Variants in FKBP4 observed in about 807,000 individuals in gnomAD.
FKBP4 encodes the protein FKBP prolyl isomerase 4, also known as peptidyl-prolyl cis-trans isomerase FKBP4.
In FKBP4, 28 loss-of-function variants were observed where a neutral mutation model predicts 54.1. That is an observed-to-expected ratio of 0.52 (90% CI 0.38 to 0.71). FKBP4 has a LOEUF of 0.71. Among genes scored for constraint, FKBP4 ranks in the 30% least tolerant of loss-of-function variants. The pLI, the probability that FKBP4 is intolerant of heterozygous loss-of-function variation, is 0.00. For synonymous variants in FKBP4, 223 were observed against 216.1 expected (o/e 1.03, Z -0.28); for missense variants, 493 against 574.4 (o/e 0.86, Z 1.45).
At chr12:2,796,371 A>G (rs2097901866) in intron 1 of FKBP4, 2 of 1,289,024 alleles carry the variant, frequency 1.6e-6, no homozygotes, top group East Asian at 5.5e-5. Context: ...TATTCCAGGA[A>G]AGCTCATTTC....
In FKBP4 at chr12:2,803,433, G is replaced by A. The variant is rs1007728865; in HGVS notation, c.*175G>A. 1 of 575,380 alleles carries A rather than the reference G, an allele frequency of 1.7e-6. No homozygotes were observed. The allele number at this position is 575,380 out of a possible 1,614,324, so 35.6% of individuals were successfully genotyped here. A position where few individuals can be genotyped will look rare whatever the true frequency, so the allele number is the denominator to read the frequency against. On this transcript the variant is annotated 3_prime_UTR_variant, in exon 10 of 10. Coordinates refer to ENST00000001008, the MANE Select transcript of FKBP4 (RefSeq NM_002014.4). ...GGTGTAGGCTGGGGGATTGAGGTGG[G>A]GAATCATTTTAGCTGGTGTCAGCCC...
At chr12:2,802,309 TG>T (rs1303066381) in intron 9 of FKBP4, among the ~76,000 whole-genome samples, 2 of 152,044 alleles carry the variant, frequency 1.3e-5, no homozygotes, top group African/African-American at 4.8e-5. Flanking sequence ...GGCTAATTTT[TG>T]TATTTTTAGT....
rs370195165 is a variant in FKBP4, at chr12:2,803,230, G to A, written c.1352G>A (p.Ser451Asn). ...GAGCAGAAGAGCAACACGGCAGGGA[G>A]CCAGTCTCAGGTGGAGACAGAAGCA... ...KEEQKSNTAG[S>N]QSQVETEA Residue 451 changes from serine (S) to asparagine (N), a missense_variant, in exon 10 of 10, where the codon AGC (serine) becomes AAC (asparagine). By Grantham distance (46) the Ser-to-Asn change is conservative. Coordinates refer to ENST00000001008, the MANE Select transcript of FKBP4 (RefSeq NM_002014.4). The A allele has an allele frequency of 1.3e-6, 2 of 1,596,250 alleles. No homozygotes were observed. The highest frequency in any genetic ancestry group is 1.3e-5 in the African/African-American group (1 of 74,480).
Position 2,799,864 on chromosome 12 carries a change from G to A in FKBP4, c.686G>A (p.Ser229Asn), listed in dbSNP as rs556973575. 6 of 1,613,964 alleles carry A rather than the reference G, an allele frequency of 3.7e-6. No individual in the cohort carries two copies. The African/African-American group carries it at 8.0e-5, about 22-fold the overall frequency. ...VYLKPSYAFG[S>N]VGKEKFQIPP... ...CACCCCTCCAGCTATGCTTTTGGCA[G>A]TGTTGGGAAGGAAAAGTTCCAAATC... Residue 229 changes from serine (S) to asparagine (N), a missense_variant, in exon 6 of 10, where the codon AGT becomes AAT. Physicochemically the swap from Ser to Asn is conservative, Grantham distance 46. Transcript: ENST00000001008.
chr12:2,795,324 G>T lies in FKBP4; in HGVS notation c.105+80G>T. 4.2e-6 allele frequency: 3 copies of T among 721,956 alleles called. No homozygotes were observed. Among genetic ancestry groups the T allele is most frequent in the South Asian group, 6.4e-5 (1 of 15,616 alleles). 44.7% of individuals were successfully genotyped at this position (721,956 alleles called of 1,614,324 possible). A position where few individuals can be genotyped will look rare whatever the true frequency, so the allele number is the denominator to read the frequency against. On this transcript the variant is annotated intron_variant, in intron 1 of 9. Coordinates refer to ENST00000001008, the MANE Select transcript of FKBP4 (RefSeq NM_002014.4). The surrounding 1 kb of genome is among the most constrained non-coding windows in gnomAD (Gnocchi z 4.3). ...CCTTCCGCCGCGCCCGGAGCCCGCG[G>T]CCGGGCACGGGTCGAGGCGGCCGCC...
Position 2,799,256 on chromosome 12 carries a change from G to A in FKBP4, c.671+12G>A. ...TACCTCAAGCCCAGGTGAGGGGTGG[G>A]CACTTCGTAGGGTAGGCAGGCAGGC... On this transcript the variant is annotated intron_variant, in intron 5 of 9. Transcript: ENST00000001008. The A allele has an allele frequency of 6.8e-7, 1 of 1,480,918 alleles. No homozygotes were observed. The highest frequency in any genetic ancestry group is 9.0e-7 in the Non-Finnish European group (1 of 1,115,210). 91.7% of individuals were successfully genotyped at this position (1,480,918 alleles called of 1,614,324 possible).
Position 2,795,183 on chromosome 12 carries a change from C to G in FKBP4, c.44C>G (p.Ser15Trp). 1 of 1,320,940 alleles carries G rather than the reference C, an allele frequency of 7.6e-7. No individual in the cohort carries two copies. Among genetic ancestry groups the G allele is most frequent in the Non-Finnish European group, 9.7e-7 (1 of 1,026,490 alleles). The allele number at this position is 1,320,940 out of a possible 1,614,324, so 81.8% of individuals were successfully genotyped here. Residue 15 changes from serine to tryptophan, a missense_variant, in exon 1 of 10, where the codon TCG becomes TGG. Physicochemically the swap from Ser to Trp is radical, Grantham distance 177. Transcript: ENST00000001008. The surrounding 1 kb of genome is among the most constrained non-coding windows in gnomAD (Gnocchi z 4.3). ...AAGGCGACCGAGAGCGGGGCGCAGTCGGCGCCGCTGCCCATGGAGGGAGTG... is the reference window on the plus strand; with the variant it reads ...AAGGCGACCGAGAGCGGGGCGCAGTGGGCGCCGCTGCCCATGGAGGGAGTG... The part of the protein sequence containing the change: ...EMKATESGAQ[S>W]APLPMEGVDI...
intron 1 of FKBP4, chr12:2,796,445 G>C: frequency 8.0e-7 from 1 of 1,257,248 alleles, no homozygotes; most frequent in Non-Finnish European, 1.0e-6. Flanking sequence ...TCTATTCTTC[G>C]TGGAAGCTTT....
chr12:2,801,645 T>C (rs1004014007), intron 9 of FKBP4: 8 of 521,258 alleles, frequency 1.5e-5, no homozygotes, highest in African/African-American at 3.8e-5. Context: ...TCCCAGCACT[T>C]TGCAGAGCCA....
intron 9 of FKBP4, among the ~76,000 whole-genome samples, chr12:2,802,190 T>C (rs972680244): frequency 6.6e-6 from 1 of 152,156 alleles, no homozygotes; most frequent in Non-Finnish European, 1.5e-5. Context: ...CAGGCTGGAG[T>C]GCAATGGCAT....
In FKBP4 at chr12:2,798,881, T is replaced by C. The variant is rs2153919744; in HGVS notation, c.514+55T>C. 6.3e-7 allele frequency: 1 copy of C among 1,590,748 alleles called. No individual in the cohort carries two copies. The highest frequency in any genetic ancestry group is 2.2e-5 in the East Asian group (1 of 44,624). ...CTCATTCTGATATTTAGGCCTTGTG[T>C]GGCTTTGGGCAAGACACTTCCGTTC... On this transcript the variant is annotated intron_variant, in intron 4 of 9. Coordinates refer to ENST00000001008, the MANE Select transcript of FKBP4 (RefSeq NM_002014.4). This position sits in a 1 kb window ranked among gnomAD's most constrained non-coding sequence, Gnocchi z 4.3.
Position 2,803,223 on chromosome 12 carries a change from G to A in FKBP4, c.1345G>A (p.Ala449Thr). 6.2e-7 allele frequency: 1 copy of A among 1,600,036 alleles called. No homozygotes were observed. The highest frequency in any genetic ancestry group is 8.5e-7 in the Non-Finnish European group (1 of 1,174,054). ...EMKEEQKSNT[A>T]GSQSQVETEA ...GAAGGAGGAGCAGAAGAGCAACACG[G>A]CAGGGAGCCAGTCTCAGGTGGAGAC... is the stretch of plus-strand genomic sequence containing the variant. The change falls in exon 10 of 10, where the codon GCA becomes ACA. Residue 449 changes from alanine (A) to threonine (T), a missense_variant. Transcript: ENST00000001008.
rs180940465 is a variant in FKBP4 at position 2,805,032 on chromosome 12, C to G, written c.*1774C>G. 2 of 318,814 alleles carry G rather than the reference C, an allele frequency of 6.3e-6. No homozygotes were observed. Among genetic ancestry groups the G allele is most frequent in the Non-Finnish European group, 1.2e-5 (2 of 161,820 alleles). 19.7% of individuals were successfully genotyped at this position (318,814 alleles called of 1,614,324 possible). On this transcript the variant is annotated 3_prime_UTR_variant, in exon 10 of 10. Transcript: ENST00000001008. ...TTTCAAAAGTAGTAGATTCTTACGCCTGCAGCCAACAATAATCACTAACTC... is the reference window on the plus strand; with the variant it reads ...TTTCAAAAGTAGTAGATTCTTACGCGTGCAGCCAACAATAATCACTAACTC...
At position 2,800,472 on chromosome 12, in the gene FKBP4, G is replaced by A. The variant is rs1406319197; in HGVS notation, c.927G>A (p.Glu309=). Residue 309 remains glutamate (E), a synonymous_variant, in exon 8 of 10, where the codon GAG becomes GAA. Transcript: ENST00000001008. ...WLEYESSFSN[E]EAQKAQALRL... ...AATATGAGTCTAGTTTTTCCAATGA[G>A]GAAGCACAGAAAGCACAGGCCCTTC... The A allele has an allele frequency of 2.5e-6, 4 of 1,614,160 alleles. No homozygotes were observed. In the South Asian group the frequency reaches 4.4e-5, roughly 18 times the overall value.
chr12:2,795,115 C>T lies in FKBP4; in HGVS notation c.-25C>T. 1 of 1,285,924 alleles carries T rather than the reference C, an allele frequency of 7.8e-7. No homozygotes were observed. Among genetic ancestry groups the T allele is most frequent in the Non-Finnish European group, 9.9e-7 (1 of 1,005,544 alleles). The allele number at this position is 1,285,924 out of a possible 1,614,324, so 79.7% of individuals were successfully genotyped here. On this transcript the variant is annotated 5_prime_UTR_variant, in exon 1 of 10. Coordinates refer to ENST00000001008, the MANE Select transcript of FKBP4 (RefSeq NM_002014.4). The surrounding 1 kb of genome is among the most constrained non-coding windows in gnomAD (Gnocchi z 4.3). ...GTGCGCTCGCGCCGGCACCAGCTCCCGGATAAACGGCGCGCCGCGCGGAGA... is the reference window on the plus strand; with the variant it reads ...GTGCGCTCGCGCCGGCACCAGCTCCTGGATAAACGGCGCGCCGCGCGGAGA...
At position 2,795,305 on chromosome 12, in the gene FKBP4, GCCGCGCCCGGAGC is replaced by G. The variant is rs2097901043; in HGVS notation, c.105+67_105+79del. ...CCGGGGCCCCGCGGGCCGCCCTTCCGCCGCGCCCGGAGCCCGCGGCCGGGCACGGGTCGAGGCG... is the reference window on the plus strand; with the variant it reads ...CCGGGGCCCCGCGGGCCGCCCTTCCGCCGCGGCCGGGCACGGGTCGAGGCG... On this transcript the variant is annotated intron_variant, in intron 1 of 9. Coordinates refer to ENST00000001008, the MANE Select transcript of FKBP4 (RefSeq NM_002014.4). This position sits in a 1 kb window ranked among gnomAD's most constrained non-coding sequence, Gnocchi z 4.3. The G allele has an allele frequency of 1.8e-5, 17 of 948,586 alleles. No individual in the cohort carries two copies. In the South Asian group the frequency reaches 3.6e-4, roughly 20 times the overall value. 58.8% of individuals were successfully genotyped at this position (948,586 alleles called of 1,614,324 possible). A position where few individuals can be genotyped will look rare whatever the true frequency, so the allele number is the denominator to read the frequency against.
chr12:2,803,317 C>G lies in FKBP4; in HGVS notation c.*59C>G, dbSNP rs1164500633. 8.2e-7 allele frequency: 1 copy of G among 1,216,452 alleles called. No individual in the cohort carries two copies. The highest frequency in any genetic ancestry group is 1.5e-5 in the African/African-American group (1 of 66,462). 75.4% of individuals were successfully genotyped at this position (1,216,452 alleles called of 1,614,324 possible). On this transcript the variant is annotated 3_prime_UTR_variant, in exon 10 of 10. Coordinates refer to ENST00000001008, the MANE Select transcript of FKBP4 (RefSeq NM_002014.4). ...TGCCCCCCAGTCTCCCCACTCCACC[C>G]TGTTAGTTTTGTAAAAACTGAAGAA...
chr12:2,802,920 G>T (rs1412632429), intron 9 of FKBP4, among the ~76,000 whole-genome samples: 2 of 151,980 alleles, frequency 1.3e-5, no homozygotes, highest in East Asian at 1.9e-4. Context: ...TTGAGATGAG[G>T]TTTCACCATG....
rs2097900869 is a variant in FKBP4 at position 2,795,091 on chromosome 12, T to G, written c.-49T>G. 1.7e-6 allele frequency: 2 copies of G among 1,190,860 alleles called. No individual in the cohort carries two copies. Among genetic ancestry groups the G allele is most frequent in the Non-Finnish European group, 1.1e-6 (1 of 932,884 alleles). 73.8% of individuals were successfully genotyped at this position (1,190,860 alleles called of 1,614,324 possible). On this transcript the variant is annotated 5_prime_UTR_variant, in exon 1 of 10. Transcript: ENST00000001008. The surrounding 1 kb of genome is among the most constrained non-coding windows in gnomAD (Gnocchi z 4.3). ...TAGCGCCCCCGCCCGCGGCCCAGAG[T>G]GCGCTCGCGCCGGCACCAGCTCCCG...
Sources: gnomAD v4.1 joint callset for allele counts (sites outside exome capture counted in the v4.1 genomes callset) on GRCh38, gnomAD v4.1.1 for gene constraint, Gnocchi (gnomAD v3.1) non-coding constraint, MANE v1.5 for transcripts, NCBI Gene and HGNC (gene_info 2026-07-23, HGNC 2026-07-21) for gene names.